KCTD1: variants seen among roughly 807,000 people sequenced by gnomAD.
The protein encoded by KCTD1 is BTB/POZ domain-containing protein KCTD1.
A neutral mutation model predicts 66.0 loss-of-function variants in KCTD1; 24 were observed. The ratio of observed to expected loss-of-function variants is 0.36; its 90% CI spans 0.26 to 0.51. The LOEUF (loss-of-function observed/expected upper bound fraction) is 0.51. KCTD1 is among the 20% of genes least tolerant of loss of function. The probability of loss-of-function intolerance (pLI) is 0.95; values close to 1 mark genes in which losing one functional copy is unlikely to be tolerated. For missense variants in KCTD1, 943 were observed against 1,205.2 expected, an observed-to-expected ratio of 0.78 and a Z score of 3.22; for synonymous variants, 511 against 517.2, an observed-to-expected ratio of 0.99 and a Z score of 0.16.
In KCTD1 at chr18:26,588,919, G is replaced by C. The variant is rs563397750; in HGVS notation, c.-16+40228C>G. ...CAGTGTGTTGCTTTGGATGAAATAT[G>C]GAAGAGGTCCATGCGGCTTGGCTTA... On this transcript the variant is annotated intron_variant, in intron 1 of 4. Coordinates refer to the KCTD1 transcript ENST00000317932. 1.3e-4 allele frequency among the ~76,000 whole-genome samples: 19 copies of C among 146,148 alleles called. No homozygotes were observed. In the South Asian group the frequency reaches 3.9e-3, roughly 30 times the overall value.
rs80197922 is a variant in KCTD1, at chr18:26,580,109, T to C, written c.-16+49038A>G. ...GTGGGTGACTTAGAGAGGTGATTCATTGAGTCAACAAACAACTATTGAGCA... is the reference window on the plus strand; with the variant it reads ...GTGGGTGACTTAGAGAGGTGATTCACTGAGTCAACAAACAACTATTGAGCA... On this transcript the variant is annotated intron_variant, in intron 1 of 4. Coordinates refer to the KCTD1 transcript ENST00000317932. Among the ~76,000 whole-genome samples the C allele has an allele frequency of 1.7e-3, 261 of 152,282 alleles. 2 individuals carry two copies. The highest frequency in any genetic ancestry group is 5.9e-3 in the African/African-American group (244 of 41,552).
At chr18:26,599,295 C>A in intron 1 of KCTD1, 2 of 906,070 alleles carry the variant, frequency 2.2e-6, no homozygotes, top group Non-Finnish European at 3.4e-6. Context: ...TTGTTTGGTG[C>A]TCTTTTAGAA....
At chr18:26,503,770 T>A (rs919183340) in intron 1 of KCTD1, among the ~76,000 whole-genome samples, 1 of 147,664 alleles carries the variant, frequency 6.8e-6, no homozygotes, top group Admixed American at 7.0e-5. Context: ...TCTCAGAATA[T>A]ATACCATTTA....
chr18:26,549,293 C>G, upstream of KCTD1: 1 of 985,478 alleles, frequency 1.0e-6, no homozygotes, highest in Non-Finnish European at 1.2e-6. Flanking sequence ...CGGCTCCCAA[C>G]TCCCTTTCCG....
intron 1 of KCTD1, among the ~76,000 whole-genome samples, chr18:26,636,209 G>C (rs547029152): frequency 6.6e-6 from 1 of 152,264 alleles, no homozygotes; most frequent in East Asian, 1.9e-4. Context: ...CAGAAGAGGG[G>C]GGAGTTTATG....
At chr18:26,575,026 A>T (rs1052115479) in intron 1 of KCTD1, among the ~76,000 whole-genome samples, 1 of 152,222 alleles carries the variant, frequency 6.6e-6, no homozygotes, top group Non-Finnish European at 1.5e-5. Context: ...AATTTTCTCC[A>T]GTGTAACTTG....
intron 1 of KCTD1, among the ~76,000 whole-genome samples, chr18:26,593,233 C>A (rs908333988): frequency 5.3e-5 from 8 of 151,868 alleles, no homozygotes; most frequent in African/African-American, 1.9e-4. Context: ...AGGCCCTGCA[C>A]ATTTCTGTTT....
At chr18:26,643,971 A>G (rs1240106536), upstream of KCTD1, among the ~76,000 whole-genome samples, 1 of 151,856 alleles carries the variant, frequency 6.6e-6, no homozygotes. Flanking sequence ...CAAAAAAAAA[A>G]GGGGGCCTGC....
chr18:26,514,431 A>G (rs1392625878), intron 1 of KCTD1, among the ~76,000 whole-genome samples: 6 of 151,722 alleles, frequency 4.0e-5, no homozygotes, highest in African/African-American at 1.5e-4. Context: ...CTCAGCCTAC[A>G]GTCTGTGACT....
At chr18:26,574,412 TG>T (rs1356274605) in intron 1 of KCTD1, among the ~76,000 whole-genome samples, 1 of 152,188 alleles carries the variant, frequency 6.6e-6, no homozygotes, top group African/African-American at 2.4e-5. Context: ...ACACTAAAAA[TG>T]GTTCCCAGTT....
At chr18:26,598,171 C>A (rs761506589) in intron 1 of KCTD1, among the ~76,000 whole-genome samples, 1 of 152,180 alleles carries the variant, frequency 6.6e-6, no homozygotes, top group Non-Finnish European at 1.5e-5. Flanking sequence ...AATCCTGTAC[C>A]TATTCTGGAC....
At chr18:26,582,975 T>C (rs577395397) in intron 1 of KCTD1, among the ~76,000 whole-genome samples, 1 of 152,114 alleles carries the variant, frequency 6.6e-6, no homozygotes, top group East Asian at 1.9e-4. Context: ...TAAGTATACA[T>C]AGAAAAATCT....
intron 1 of KCTD1, among the ~76,000 whole-genome samples, chr18:26,517,023 C>T (rs560175037): frequency 7.2e-4 from 109 of 152,288 alleles, no homozygotes; most frequent in African/African-American, 2.5e-3. Flanking sequence ...CTTCCCAGGA[C>T]AGAAACACTG....
chr18:26,598,263 A>G (rs1986812703), intron 1 of KCTD1, among the ~76,000 whole-genome samples: 1 of 152,176 alleles, frequency 6.6e-6, no homozygotes, highest in Non-Finnish European at 1.5e-5. Context: ...GTTCATCCAT[A>G]TTGTTCCATG....
chr18:26,609,330 C>T (rs765680650), intron 1 of KCTD1, among the ~76,000 whole-genome samples: 3 of 152,096 alleles, frequency 2.0e-5, no homozygotes, highest in Non-Finnish European at 4.4e-5. Context: ...CCTAATTCTC[C>T]CTAATGGGCT....
intron 1 of KCTD1, among the ~76,000 whole-genome samples, chr18:26,558,087 G>A (rs1985751298): frequency 6.6e-6 from 1 of 152,206 alleles, no homozygotes; most frequent in South Asian, 2.1e-4. Flanking sequence ...GGAGGCCCCA[G>A]GACAGTGATC....
upstream of KCTD1, chr18:26,548,691 C>T (rs1269070054): frequency 5.3e-6 from 5 of 935,612 alleles, no homozygotes; most frequent in Admixed American, 5.6e-5. Context: ...AGCGCAGCTC[C>T]GGAGGGGCAG....
intron 1 of KCTD1, among the ~76,000 whole-genome samples, chr18:26,589,791 A>C (rs1986555657): frequency 6.6e-6 from 1 of 152,172 alleles, no homozygotes; most frequent in Non-Finnish European, 1.5e-5. Context: ...AAATGAGCAC[A>C]CAAGGCAATT....
intron 1 of KCTD1, among the ~76,000 whole-genome samples, chr18:26,567,488 G>GTTTTT (rs201110977): frequency 8.9e-6 from 1 of 112,772 alleles, no homozygotes. Context: ...TGTTGTTGTT[G>GTTTTT]TTTTTTTTTT....
Sources: allele counts gnomAD v4.1 joint callset (sites outside exome capture counted in the v4.1 genomes callset), GRCh38; gene constraint gnomAD v4.1.1; transcripts MANE v1.5; gene names NCBI Gene and HGNC (gene_info 2026-07-23, HGNC 2026-07-21).